The following EML6 variants were observed in gnomAD, a reference collection of about 807,000 sequenced individuals.
The protein encoded by EML6 is echinoderm microtubule-associated protein-like 6.
A neutral mutation model predicts 240.1 loss-of-function variants in EML6; 154 were observed. The observed-to-expected ratio is 0.64, with a 90% CI of 0.56 to 0.73. EML6 has a LOEUF of 0.73. Among genes scored for constraint, EML6 ranks in the 30% least tolerant of loss-of-function variants. The pLI is 0.00. For synonymous variants in EML6, 1,148 were observed against 899.0 expected (o/e 1.28, Z -4.95); for missense variants, 2,964 against 2,474.6 (o/e 1.20, Z -4.20).
chr2:54,767,821 C>T (rs75645525), intron 2 of EML6, among the ~76,000 whole-genome samples: 5,414 of 152,090 alleles, frequency 0.036, 328 homozygotes, highest in African/African-American at 0.12. Context: ...AAGTTTTTGC[C>T]ATGTTGCCCA....
Position 54,824,447 on chromosome 2 carries a change from C to T in EML6, c.526-3119C>T, listed in dbSNP as rs186961296. On this transcript the variant is annotated intron_variant, in intron 5 of 41. Coordinates refer to ENST00000356458, the MANE Select transcript of EML6 (RefSeq NM_001039753.4). The stretch of plus-strand genomic sequence containing the variant: ...TTTTGCTGTCTGTATTCTCTATATC[C>T]AATTACCAGGATTTCTCCACTTTTT... Among the ~76,000 whole-genome samples the T allele has an allele frequency of 2.8e-4, 42 of 152,150 alleles. No homozygotes were observed. In the East Asian group the frequency reaches 8.1e-3, roughly 29 times the overall value.
At chr2:54,801,043 G>A (rs770617259) in intron 2 of EML6, among the ~76,000 whole-genome samples, 10 of 152,192 alleles carry the variant, frequency 6.6e-5, no homozygotes, top group East Asian at 3.9e-4. Flanking sequence ...CATTGAGGCC[G>A]GGTGCAGTGG....
chr2:54,736,397 G>T (rs1683392524), intron 2 of EML6, among the ~76,000 whole-genome samples: 1 of 152,154 alleles, frequency 6.6e-6, no homozygotes, highest in African/African-American at 2.4e-5. Flanking sequence ...CACTGCATGG[G>T]CTCTGTCTCT....
At chr2:54,801,213 G>A (rs570142691) in intron 2 of EML6, among the ~76,000 whole-genome samples, 235 of 152,012 alleles carry the variant, frequency 1.5e-3, no homozygotes, top group Middle Eastern at 6.8e-3. Context: ...CCAGATCCTC[G>A]GGAGGCTGGG....
At chr2:54,889,430 T>G (rs1455348945) in intron 17 of EML6, among the ~76,000 whole-genome samples, 1 of 92,904 alleles carries the variant, frequency 1.1e-5, no homozygotes, top group Middle Eastern at 5.7e-3. Flanking sequence ...TCCAAGAACA[T>G]GGGATATAGT....
At chr2:54,963,881 G>C (rs1332404598) in intron 36 of EML6, 105 bp from the exon 37 acceptor site, 2 of 1,007,884 alleles carry the variant, frequency 2.0e-6, no homozygotes, top group East Asian at 5.4e-5. Context: ...GTGGCCTGCA[G>C]TGGCTGCGAG....
At chr2:54,966,660 C>T (rs530238887) in intron 38 of EML6, 14 of 167,340 alleles carry the variant, frequency 8.4e-5, no homozygotes, top group Non-Finnish European at 1.7e-4. Context: ...CCCACCCTTT[C>T]GGTGTCTGTC....
chr2:54,834,134 G>C (rs1191300344), intron 7 of EML6, among the ~76,000 whole-genome samples: 1 of 152,110 alleles, frequency 6.6e-6, no homozygotes, highest in Non-Finnish European at 1.5e-5. Context: ...AGACACCCTG[G>C]ATGTAAGGCG....
intron 26 of EML6, among the ~76,000 whole-genome samples, chr2:54,918,642 C>T (rs182209241): frequency 2.0e-5 from 3 of 152,176 alleles, no homozygotes; most frequent in East Asian, 3.9e-4. Context: ...CCACCATACC[C>T]AGCTGTCATT....
chr2:54,832,923 T>A (rs1668954427), intron 7 of EML6, among the ~76,000 whole-genome samples: 1 of 152,250 alleles, frequency 6.6e-6, no homozygotes, highest in African/African-American at 2.4e-5. Flanking sequence ...CATGACAGTT[T>A]TATTTTTATA....
At chr2:54,950,168 T>C (rs10496035) in intron 29 of EML6, among the ~76,000 whole-genome samples, 96,738 of 152,124 alleles carry the variant, frequency 0.64, 34,575 homozygotes, top group Non-Finnish European at 0.82. Context: ...ATGGCAAATA[T>C]GTAGCAACTT....
intron 2 of EML6, among the ~76,000 whole-genome samples, chr2:54,810,789 C>A (rs1167530572): frequency 2.6e-5 from 4 of 152,126 alleles, no homozygotes; most frequent in Non-Finnish European, 5.9e-5. Context: ...AAGACAGCCC[C>A]TGCCCTCACG....
intron 2 of EML6, among the ~76,000 whole-genome samples, chr2:54,769,733 G>T (rs1416701799): frequency 9.2e-5 from 14 of 152,132 alleles, no homozygotes; most frequent in African/African-American, 3.4e-4. Context: ...TTATGATGGT[G>T]ATTAGAACAT....
chr2:54,929,274 C>T (rs1674728521), intron 28 of EML6, among the ~76,000 whole-genome samples: 1 of 152,170 alleles, frequency 6.6e-6, no homozygotes, highest in African/African-American at 2.4e-5. Context: ...TCCAGCCTAT[C>T]CCATTTGGTT....
intron 33 of EML6, among the ~76,000 whole-genome samples, chr2:54,958,725 G>A (rs17046514): frequency 0.07 from 10,657 of 152,138 alleles, 639 homozygotes; most frequent in East Asian, 0.2. Context: ...CTCCAACTTC[G>A]TGGTCCTCCA....
In EML6 at chr2:54,892,659, A is replaced by T; in HGVS notation, c.2742+3A>T. Reference sequence around the variant, plus strand: ...TTGCTATGTATGCACTGGATAAGGTATGGCCTGTGTATCAGCATTCATTTT... The same window carrying T: ...TTGCTATGTATGCACTGGATAAGGTTTGGCCTGTGTATCAGCATTCATTTT... On this transcript the variant is annotated splice_donor_region_variant and intron_variant, in intron 19 of 41. Transcript: ENST00000356458. The T allele has an allele frequency of 6.5e-7, 1 of 1,548,780 alleles. No individual in the cohort carries two copies. The highest frequency in any genetic ancestry group is 8.7e-7 in the Non-Finnish European group (1 of 1,144,856).
chr2:54,793,546 C>G (rs1669582974), intron 2 of EML6, among the ~76,000 whole-genome samples: 1 of 152,106 alleles, frequency 6.6e-6, no homozygotes, highest in Non-Finnish European at 1.5e-5. Flanking sequence ...GTCGAACTTC[C>G]TCACACGCCC....
chr2:54,848,905 T>C (rs1669919422), intron 9 of EML6, among the ~76,000 whole-genome samples: 1 of 152,226 alleles, frequency 6.6e-6, no homozygotes, highest in South Asian at 2.1e-4. Flanking sequence ...GTAATTTTCT[T>C]CAGCTGCTTT....
intron 28 of EML6, among the ~76,000 whole-genome samples, chr2:54,942,023 T>C (rs1053410831): frequency 1.3e-5 from 2 of 152,266 alleles, no homozygotes; most frequent in African/African-American, 4.8e-5. Flanking sequence ...GAATCATTCG[T>C]TGATTTTTTT....
Sources: allele counts gnomAD v4.1 joint callset (sites outside exome capture counted in the v4.1 genomes callset), GRCh38; gene constraint gnomAD v4.1.1; transcripts MANE v1.5; gene names NCBI Gene and HGNC (gene_info 2026-07-23, HGNC 2026-07-21).